The following WWOX variants were observed in gnomAD, a reference collection of about 807,000 sequenced individuals.
WWOX encodes WW domain-containing oxidoreductase.
In WWOX, 69 loss-of-function variants were observed where a neutral mutation model predicts 46.2. The observed-to-expected ratio is 1.49, with a 90% CI of 1.23 to 1.82. The LOEUF (loss-of-function observed/expected upper bound fraction) is 1.82. Among genes scored for constraint, WWOX ranks in the 40% most tolerant of loss-of-function variants. The pLI is 0.00. For missense variants in WWOX, 919 were observed against 542.6 expected (o/e 1.69, Z -6.89); for synonymous variants, 359 against 202.6 (o/e 1.77, Z -6.56).
chr16:78,932,665 C>T (rs560275014), intron 8 of WWOX, among the ~76,000 whole-genome samples: 5 of 152,294 alleles, frequency 3.3e-5, no homozygotes, highest in Admixed American at 1.3e-4. Context: ...GGGGTGAATT[C>T]CCCCCATGGG....
chr16:78,979,746 G>C (rs762530305), intron 8 of WWOX, among the ~76,000 whole-genome samples: 1 of 152,164 alleles, frequency 6.6e-6, no homozygotes, highest in Non-Finnish European at 1.5e-5. Context: ...AGTGGTCCAG[G>C]TTTTTCCTTC....
chr16:78,807,103 C>T, intron 8 of WWOX, among the ~76,000 whole-genome samples: 1 of 152,174 alleles, frequency 6.6e-6, no homozygotes, highest in Non-Finnish European at 1.5e-5. Flanking sequence ...ACTGGATGCT[C>T]AATAAGTCTT....
At chr16:78,716,960 A>T (rs965776415) in intron 8 of WWOX, among the ~76,000 whole-genome samples, 4 of 152,198 alleles carry the variant, frequency 2.6e-5, no homozygotes, top group African/African-American at 9.6e-5. Flanking sequence ...TCAGAGGATA[A>T]GGAATGTCTT....
At chr16:78,492,304 T>C (rs969046927) in intron 8 of WWOX, among the ~76,000 whole-genome samples, 3 of 146,466 alleles carry the variant, frequency 2.0e-5, no homozygotes, top group African/African-American at 8.3e-5. Context: ...CTGTATAATT[T>C]TTTTCTTCTT....
At chr16:78,904,346 C>T (rs1034972203) in intron 8 of WWOX, among the ~76,000 whole-genome samples, 8 of 147,364 alleles carry the variant, frequency 5.4e-5, no homozygotes, top group South Asian at 2.2e-4. Flanking sequence ...TCAAGCAATT[C>T]TCCTGCCTCA....
Position 78,899,522 on chromosome 16 carries a change from A to G in WWOX, c.1057-312086A>G, listed in dbSNP as rs1016537377. ...TCCATAAATGTTAGTTATTATTTTA[A>G]TATTACAGCATCTGTGGAAACAGTG... On this transcript the variant is annotated intron_variant, in intron 8 of 8. Coordinates refer to ENST00000566780, the MANE Select transcript of WWOX (RefSeq NM_016373.4). 2.6e-5 allele frequency: 4 copies of G among 152,302 alleles called. No individual in the cohort carries two copies. In the East Asian group the frequency reaches 7.7e-4, roughly 29 times the overall value. The allele number at this position is 152,302 out of a possible 1,614,324, so 9.4% of individuals were successfully genotyped here.
Position 78,827,004 on chromosome 16 carries a change from C to T in WWOX, c.1057-384604C>T, listed in dbSNP as rs1478654276. On this transcript the variant is annotated intron_variant, in intron 8 of 8. Transcript: ENST00000566780. ...CTAACCAGCCGGGTTTAGATTATTT[C>T]CTCCCCGTGTCGCTTTCCTGCCCCC... Among the ~76,000 whole-genome samples, 5 of 152,122 alleles carry T rather than the reference C, an allele frequency of 3.3e-5. No homozygotes were observed. The East Asian group carries it at 7.7e-4, about 23-fold the overall frequency.
chr16:79,031,886 CTGTATACAGATATCTATA>C (rs1567501159), intron 8 of WWOX, among the ~76,000 whole-genome samples: 6,163 of 54,944 alleles, frequency 0.11, 222 homozygotes, highest in Non-Finnish European at 0.13. Flanking sequence ...ATACAGATAT[CTGTATACAGATATCTATA>C]TATATAGATA....
At chr16:78,572,246 G>C (rs1254879471) in intron 8 of WWOX, among the ~76,000 whole-genome samples, 1 of 152,136 alleles carries the variant, frequency 6.6e-6, no homozygotes, top group Non-Finnish European at 1.5e-5. Flanking sequence ...ATAATGGGTG[G>C]ATACCAGAAC....
chr16:78,634,108 A>G (rs1037422578), intron 8 of WWOX, among the ~76,000 whole-genome samples: 1 of 152,170 alleles, frequency 6.6e-6, no homozygotes, highest in Non-Finnish European at 1.5e-5. Context: ...ATGCAGCTAT[A>G]TGACTCTGTA....
chr16:79,032,130 A>T (rs1261782852), intron 8 of WWOX, among the ~76,000 whole-genome samples: 2 of 145,322 alleles, frequency 1.4e-5, no homozygotes, highest in Non-Finnish European at 3.0e-5. Flanking sequence ...GTGTATATAT[A>T]TATTTGTTAG....
intron 8 of WWOX, among the ~76,000 whole-genome samples, chr16:78,951,175 C>T (rs557572585): frequency 2.6e-5 from 4 of 152,320 alleles, no homozygotes; most frequent in African/African-American, 4.8e-5. Context: ...GTGGATCTGG[C>T]GTGGCTGGAT....
chr16:78,113,296 C>T (rs1311473416), intron 3 of WWOX, among the ~76,000 whole-genome samples: 1 of 152,178 alleles, frequency 6.6e-6, no homozygotes, highest in East Asian at 1.9e-4. Context: ...TGAGAGCCTC[C>T]CGTCTAGAGC....
chr16:78,215,402 G>C (rs529505501), intron 5 of WWOX, among the ~76,000 whole-genome samples: 1 of 152,148 alleles, frequency 6.6e-6, no homozygotes, highest in Admixed American at 6.5e-5. Flanking sequence ...TGCTGTTCTC[G>C]TGATAGCACG....
chr16:79,008,933 TA>T (rs2047245649), intron 8 of WWOX, among the ~76,000 whole-genome samples: 1 of 152,224 alleles, frequency 6.6e-6, no homozygotes, highest in South Asian at 2.1e-4. Context: ...TCCACCCTTC[TA>T]AATATGGGAT....
chr16:78,282,878 C>CAAAAA (rs60994323), intron 5 of WWOX, among the ~76,000 whole-genome samples: 5 of 68,794 alleles, frequency 7.3e-5, no homozygotes, highest in Admixed American at 1.8e-4. Context: ...CACTCCATCT[C>CAAAAA]AAAAAAAAAA....
intron 8 of WWOX, among the ~76,000 whole-genome samples, chr16:78,566,927 T>TATCGATAGCAATCATAGTAATTA: frequency 6.6e-6 from 1 of 152,198 alleles, no homozygotes; most frequent in East Asian, 1.9e-4. Context: ...ATAGCAGCAG[T>TATCGATAGCAATCATAGTAATTA]ATCGATAGCA....
In WWOX at chr16:79,038,734, G is replaced by A. The variant is rs546926918; in HGVS notation, c.1057-172874G>A. On this transcript the variant is annotated intron_variant, in intron 8 of 8. Transcript: ENST00000566780. ...CCAACTAATTTTTGTGTTTTTAGTA[G>A]AGACAGGGTTTCACCATATTGGCCA... 2.0e-5 allele frequency among the ~76,000 whole-genome samples: 3 copies of A among 152,196 alleles called. No individual in the cohort carries two copies. In the South Asian group the frequency reaches 6.2e-4, roughly 32 times the overall value.
intron 8 of WWOX, among the ~76,000 whole-genome samples, chr16:79,062,964 G>C (rs1451684410): frequency 6.6e-6 from 1 of 152,212 alleles, no homozygotes; most frequent in African/African-American, 2.4e-5. Flanking sequence ...AGCCAGAGAT[G>C]GCTGATGGGC....
Sources: allele counts gnomAD v4.1 joint callset (sites outside exome capture counted in the v4.1 genomes callset), GRCh38; gene constraint gnomAD v4.1.1; transcripts MANE v1.5; gene names NCBI Gene and HGNC (gene_info 2026-07-23, HGNC 2026-07-21).